ERGIC1: variants seen among roughly 807,000 people sequenced by gnomAD.
The protein encoded by ERGIC1 is endoplasmic reticulum-golgi intermediate compartment 1.
Under a neutral mutation model 38.3 loss-of-function variants are expected in ERGIC1, and 19 were observed. The ratio of observed to expected loss-of-function variants is 0.50; its 90% CI spans 0.35 to 0.73. The LOEUF (loss-of-function observed/expected upper bound fraction) is 0.73. Ranked by LOEUF, ERGIC1 falls within the 30% of genes least tolerant of loss-of-function variation. The pLI, the probability that ERGIC1 is intolerant of heterozygous loss-of-function variation, is 0.01. For synonymous variants in ERGIC1, 124 were observed against 157.6 expected, an observed-to-expected ratio of 0.79 and a Z score of 1.60; for missense variants, 294 against 389.2, an observed-to-expected ratio of 0.76 and a Z score of 2.06.
intron 9 of ERGIC1, among the ~76,000 whole-genome samples, chr5:172,946,661 G>A (rs939187798): frequency 4.6e-5 from 7 of 152,174 alleles, no homozygotes; most frequent in Non-Finnish European, 1.0e-4. Context: ...GTGTGAGAAC[G>A]CCCTGGCACT....
At chr5:172,930,607 T>C (rs536400786) in intron 7 of ERGIC1, among the ~76,000 whole-genome samples, 48 of 152,270 alleles carry the variant, frequency 3.2e-4, no homozygotes, top group African/African-American at 1.1e-3. Context: ...CCTCCCTAAG[T>C]GCTGGGATTA....
At chr5:172,931,704 C>T (rs1043354523) in intron 7 of ERGIC1, among the ~76,000 whole-genome samples, 48 of 152,170 alleles carry the variant, frequency 3.2e-4, no homozygotes, top group Admixed American at 2.9e-3. Context: ...TAAAGCTGCC[C>T]GTGGTTCCTT....
At chr5:172,898,116 C>T in intron 3 of ERGIC1, 1 of 381,848 alleles carries the variant, frequency 2.6e-6, no homozygotes, top group Non-Finnish European at 4.6e-6. Flanking sequence ...GGAGCTCGGC[C>T]CTGGCCACCC....
rs564464057 is a variant in ERGIC1, at chr5:172,946,900, G to C, written c.766-3809G>C. The stretch of plus-strand genomic sequence containing the variant: ...GCATTTTTTTTTTTTTTAAGTCACG[G>C]GGCCAGGCATGGTGGCTCACACCTG... On this transcript the variant is annotated intron_variant, in intron 9 of 9. Transcript: ENST00000393784. 1.2e-3 allele frequency among the ~76,000 whole-genome samples: 185 copies of C among 151,866 alleles called. 2 individuals are homozygous for C. The highest frequency in any genetic ancestry group is 4.3e-3 in the African/African-American group (179 of 41,434).
At chr5:172,839,161 A>G (rs1247527471) in intron 1 of ERGIC1, among the ~76,000 whole-genome samples, 2 of 149,896 alleles carry the variant, frequency 1.3e-5, no homozygotes, top group East Asian at 4.0e-4. Context: ...GAATTGCTTG[A>G]GCCCGGGAGA....
At chr5:172,884,379 C>G (rs758098181) in intron 1 of ERGIC1, among the ~76,000 whole-genome samples, 1 of 151,294 alleles carries the variant, frequency 6.6e-6, no homozygotes, top group African/African-American at 2.4e-5. Context: ...GTAGCTAGGA[C>G]TATAGGCACA....
intron 4 of ERGIC1, 106 bp from the exon 5 acceptor site, chr5:172,914,608 G>A (rs545445365): frequency 1.3e-6 from 2 of 1,594,430 alleles, no homozygotes; most frequent in Admixed American, 3.4e-5. Flanking sequence ...CCCCAGCCCG[G>A]CCTGCCCCTG....
At chr5:172,909,168 CT>C (rs70984920) in intron 3 of ERGIC1, among the ~76,000 whole-genome samples, 926 of 80,858 alleles carry the variant, frequency 0.011, 22 homozygotes, top group African/African-American at 0.03. Flanking sequence ...GCCCTCCCCT[CT>C]TTTTTTTTTT....
intron 3 of ERGIC1, among the ~76,000 whole-genome samples, chr5:172,903,050 G>A (rs1762925745): frequency 7.7e-6 from 1 of 130,074 alleles, no homozygotes; most frequent in Non-Finnish European, 1.6e-5. Context: ...ACCCTCCCAC[G>A]CACTCGCCTG....
At chr5:172,840,915 T>C (rs1761142582) in intron 1 of ERGIC1, among the ~76,000 whole-genome samples, 1 of 152,246 alleles carries the variant, frequency 6.6e-6, no homozygotes, top group Non-Finnish European at 1.5e-5. Context: ...CTCCAGTCTG[T>C]GTCCCTCCAT....
At chr5:172,925,012 C>T (rs1378479131) in intron 6 of ERGIC1, among the ~76,000 whole-genome samples, 3 of 152,010 alleles carry the variant, frequency 2.0e-5, no homozygotes, top group East Asian at 1.9e-4. Flanking sequence ...CTGAAGCGGG[C>T]GAACTGCTTG....
intron 1 of ERGIC1, among the ~76,000 whole-genome samples, chr5:172,852,783 C>T (rs543250759): frequency 2.0e-4 from 30 of 152,364 alleles, no homozygotes; most frequent in African/African-American, 6.0e-4. Flanking sequence ...AGTGAGATAA[C>T]GTGTACATCA....
rs1272674012 is a variant in ERGIC1 at position 172,952,023 on chromosome 5, C to G, written c.*1207C>G. ...GCCCCACCTGCTCCTGAGGTGGGTC[C>G]CTACCCTGCTGCTCCTCTTCATCCT... On this transcript the variant is annotated 3_prime_UTR_variant, in exon 10 of 10. Transcript: ENST00000393784. The G allele has an allele frequency of 6.6e-6, 1 of 152,212 alleles. No individual in the cohort carries two copies. Among genetic ancestry groups the G allele is most frequent in the Non-Finnish European group, 1.5e-5 (1 of 68,052 alleles). 9.4% of individuals were successfully genotyped at this position (152,212 alleles called of 1,614,324 possible).
intron 1 of ERGIC1, among the ~76,000 whole-genome samples, chr5:172,857,666 C>T (rs889341424): frequency 6.7e-6 from 1 of 149,426 alleles, no homozygotes; most frequent in Non-Finnish European, 1.5e-5. Flanking sequence ...TCAGCCATGG[C>T]CACGTGGTCA....
At chr5:172,849,902 C>T (rs937688706) in intron 1 of ERGIC1, among the ~76,000 whole-genome samples, 4 of 152,216 alleles carry the variant, frequency 2.6e-5, no homozygotes, top group African/African-American at 9.6e-5. Context: ...CTCAGCATCT[C>T]TGGGGTATCA....
At chr5:172,879,756 A>G (rs183904918) in intron 1 of ERGIC1, among the ~76,000 whole-genome samples, 1 of 152,164 alleles carries the variant, frequency 6.6e-6, no homozygotes, top group African/African-American at 2.4e-5. Context: ...GAAACCTTCT[A>G]TGTGGGAGGT....
intron 3 of ERGIC1, among the ~76,000 whole-genome samples, chr5:172,904,747 G>A (rs1171410460): frequency 6.6e-6 from 1 of 152,112 alleles, no homozygotes. Flanking sequence ...TGGGGTGGCA[G>A]GAAGCCAGCA....
chr5:172,881,030 C>T (rs542529477), intron 1 of ERGIC1, among the ~76,000 whole-genome samples: 89 of 152,334 alleles, frequency 5.8e-4, no homozygotes, highest in Non-Finnish European at 1.0e-3. Context: ...AGGCAGATCA[C>T]CTGAGGTTGG....
intron 1 of ERGIC1, among the ~76,000 whole-genome samples, chr5:172,885,336 G>A (rs193203567): frequency 4.6e-4 from 69 of 151,370 alleles, no homozygotes; most frequent in African/African-American, 1.7e-3. Flanking sequence ...GTCTCTCTAT[G>A]CTGCCCAGGC....
Sources: allele counts gnomAD v4.1 joint callset (sites outside exome capture counted in the v4.1 genomes callset), GRCh38; gene constraint gnomAD v4.1.1; transcripts MANE v1.5; gene names NCBI Gene and HGNC (gene_info 2026-07-23, HGNC 2026-07-21).